BABAM2: variants seen among roughly 807,000 people sequenced by gnomAD.
BABAM2 encodes BRISC and BRCA1 A complex member 2.
In BABAM2, 31 loss-of-function variants were observed where a neutral mutation model predicts 54.7. The observed-to-expected ratio is 0.57, with a 90% confidence interval of 0.43 to 0.77. The LOEUF is 0.77. Among genes scored for constraint, BABAM2 ranks in the 30% least tolerant of loss-of-function variants. The probability of loss-of-function intolerance (pLI) is 0.00; values close to 1 mark genes in which losing one functional copy is unlikely to be tolerated. For missense variants in BABAM2, 364 were observed against 455.8 expected (o/e 0.80, Z 1.83); for synonymous variants, 167 against 162.9 (o/e 1.03, Z -0.19).
intron 5 of BABAM2, 129 bp downstream of exon 5, chr2:28,025,549 T>G (rs1675592695): frequency 1.1e-6 from 1 of 899,126 alleles, no homozygotes; most frequent in Non-Finnish European, 1.6e-6. Context: ...ATGTTTCTCA[T>G]AATTTAGAGT....
intron 11 of BABAM2, among the ~76,000 whole-genome samples, chr2:28,315,352 A>C (rs1162088783): frequency 6.7e-6 from 1 of 149,774 alleles, no homozygotes; most frequent in African/African-American, 2.4e-5. Flanking sequence ...GTTGGTGTTC[A>C]CCATGCTAAA....
rs1261759583 is a variant in BABAM2, at chr2:28,112,151, C to CTTCCT, written c.571-17119_571-17118insTCCTT. On this transcript the variant is annotated intron_variant, in intron 6 of 11. Transcript: ENST00000379624. ...TTTCTTTCTTTCTTTCTTTCTTTAC[C>CTTCCT]TCCCTCCCTCCCTCCCTCCCTCCCT... Among the ~76,000 whole-genome samples, 183 of 19,614 alleles carry CTTCCT rather than the reference C, an allele frequency of 9.3e-3. 31 individuals are homozygous for CTTCCT. Among genetic ancestry groups the CTTCCT allele is most frequent in the Middle Eastern group, 0.059 (2 of 34 alleles). The allele number at this position is 19,614 out of a possible 152,430, so 12.9% of individuals were successfully genotyped here. A position where few individuals can be genotyped will look rare whatever the true frequency, so the allele number is the denominator to read the frequency against.
At chr2:27,984,921 A>G (rs1672292089) in intron 3 of BABAM2, among the ~76,000 whole-genome samples, 1 of 151,956 alleles carries the variant, frequency 6.6e-6, no homozygotes, top group Non-Finnish European at 1.5e-5. Context: ...CTTAGCTCCC[A>G]CTTATGTGTG....
intron 2 of BABAM2, among the ~76,000 whole-genome samples, chr2:27,915,448 C>G (rs1377766339): frequency 6.6e-6 from 1 of 152,154 alleles, no homozygotes; most frequent in East Asian, 1.9e-4. Context: ...AATGAGAACA[C>G]TGAAGACGAG....
At chr2:27,890,488 C>A, upstream of BABAM2, 1 of 676,134 alleles carries the variant, frequency 1.5e-6, no homozygotes, top group Non-Finnish European at 2.6e-6. This position sits in a 1 kb window ranked among gnomAD's most constrained non-coding sequence, Gnocchi z 4.8. Context: ...TGCCCGAAAT[C>A]ACCCCGCCCA....
chr2:28,239,888 G>A (rs1274395840), intron 8 of BABAM2, among the ~76,000 whole-genome samples: 1 of 152,206 alleles, frequency 6.6e-6, no homozygotes. Context: ...GGCAGAGGGA[G>A]CATTCCCTTC....
chr2:27,930,013 A>G, intron 3 of BABAM2, 105 bp downstream of exon 3: 1 of 1,035,326 alleles, frequency 9.7e-7, no homozygotes, highest in Non-Finnish European at 1.4e-6. Context: ...ATCTCCTAAG[A>G]TATTGTTCAC....
chr2:28,186,795 C>G (rs1287545624), intron 7 of BABAM2, among the ~76,000 whole-genome samples: 1 of 142,120 alleles, frequency 7.0e-6, no homozygotes, highest in Non-Finnish European at 1.5e-5. Flanking sequence ...TCATGGATCA[C>G]AAGGAATTCA....
chr2:28,220,206 G>A lies in BABAM2; in HGVS notation c.681-16996G>A, dbSNP rs114900550. Among the ~76,000 whole-genome samples, 707 of 152,254 alleles carry A rather than the reference G, an allele frequency of 4.6e-3. 8 individuals carry two copies. The highest frequency in any genetic ancestry group is 0.016 in the African/African-American group (665 of 41,544). ...AGCGGAATGTGTGGGTTCAGAAATC[G>A]GATGGCCTGGTTCAGTCCTGTGTCC... On this transcript the variant is annotated intron_variant, in intron 7 of 11. Coordinates refer to ENST00000379624, the MANE Select transcript of BABAM2 (RefSeq NM_199191.3).
rs115110198 is a variant in BABAM2, at chr2:28,088,817, G to A, written c.571-40454G>A. Among the ~76,000 whole-genome samples, 1,303 of 152,256 alleles carry A rather than the reference G, an allele frequency of 8.6e-3. 15 individuals carry two copies. Among genetic ancestry groups the A allele is most frequent in the African/African-American group, 0.03 (1,232 of 41,546 alleles). On this transcript the variant is annotated intron_variant, in intron 6 of 11. Transcript: ENST00000379624. ...GGATCTTGAGGGCCAATCTGGAAAA[G>A]CAATCTCTATACCCACTGTCATCTC...
intron 10 of BABAM2, among the ~76,000 whole-genome samples, chr2:28,285,527 G>A (rs1686716683): frequency 6.6e-6 from 1 of 152,126 alleles, no homozygotes. Context: ...TCTGCATGGG[G>A]GAATGACATG....
At chr2:28,167,413 G>T (rs374792196) in intron 7 of BABAM2, among the ~76,000 whole-genome samples, 38 of 152,142 alleles carry the variant, frequency 2.5e-4, no homozygotes, top group African/African-American at 8.7e-4. Context: ...TGCCGTTTGC[G>T]CTGGGAGCAG....
chr2:28,043,838 T>C (rs944841656), intron 5 of BABAM2, among the ~76,000 whole-genome samples: 1 of 152,194 alleles, frequency 6.6e-6, no homozygotes, highest in African/African-American at 2.4e-5. Context: ...CCTTAGTGGC[T>C]CTTAAGTATT....
chr2:28,054,556 A>T (rs1678246595), intron 6 of BABAM2, among the ~76,000 whole-genome samples: 1 of 152,166 alleles, frequency 6.6e-6, no homozygotes, highest in Non-Finnish European at 1.5e-5. Flanking sequence ...ATGAGGGTGG[A>T]GCCCTGGTGA....
chr2:28,272,378 C>T (rs1475460199), intron 10 of BABAM2, among the ~76,000 whole-genome samples: 1 of 152,142 alleles, frequency 6.6e-6, no homozygotes, highest in African/African-American at 2.4e-5. Flanking sequence ...TCCTTTAAAA[C>T]TTGTAGCTTT....
chr2:28,325,727 C>T lies in BABAM2; in HGVS notation c.1089-12723C>T, dbSNP rs1690389703. Among the ~76,000 whole-genome samples the T allele has an allele frequency of 6.6e-6, 1 of 152,194 alleles. No individual in the cohort carries two copies. The highest frequency in any genetic ancestry group is 1.5e-5 in the Non-Finnish European group (1 of 68,032). On this transcript the variant is annotated intron_variant, in intron 11 of 11. Coordinates refer to ENST00000379624, the MANE Select transcript of BABAM2 (RefSeq NM_199191.3). This position sits in a 1 kb window ranked among gnomAD's most constrained non-coding sequence, Gnocchi z 4.3. ...GCTGCCCCTCCCCCACATCCTCAAACACCCAGCCAGGGGGGTGAATGTCCC... is the reference window on the plus strand; with the variant it reads ...GCTGCCCCTCCCCCACATCCTCAAATACCCAGCCAGGGGGGTGAATGTCCC...
At chr2:28,185,037 C>A (rs1459910177) in intron 7 of BABAM2, among the ~76,000 whole-genome samples, 2 of 152,048 alleles carry the variant, frequency 1.3e-5, no homozygotes, top group African/African-American at 4.8e-5. Flanking sequence ...ACTGAAGCTG[C>A]AAAGAATAAA....
At chr2:28,133,427 T>C (rs1670257898) in intron 7 of BABAM2, among the ~76,000 whole-genome samples, 2 of 152,248 alleles carry the variant, frequency 1.3e-5, no homozygotes, top group African/African-American at 4.8e-5. Context: ...ACTCTTGCCC[T>C]AGCTGAGGCT....
At chr2:28,092,560 G>A (rs1175014402) in intron 6 of BABAM2, among the ~76,000 whole-genome samples, 3 of 152,150 alleles carry the variant, frequency 2.0e-5, no homozygotes, top group African/African-American at 7.2e-5. Context: ...ATTGCTGAGA[G>A]AGATTATAGA....
Sources: gnomAD v4.1 joint callset for allele counts (sites outside exome capture counted in the v4.1 genomes callset) on GRCh38, gnomAD v4.1.1 for gene constraint, Gnocchi (gnomAD v3.1) non-coding constraint, MANE v1.5 for transcripts, NCBI Gene and HGNC (gene_info 2026-07-23, HGNC 2026-07-21) for gene names.